The following RNF220 variants were observed in gnomAD, a reference collection of about 807,000 sequenced individuals.
The protein encoded by RNF220 is E3 ubiquitin-protein ligase RNF220.
In RNF220, 7 loss-of-function variants were observed where a neutral mutation model predicts 67.1. The ratio of observed to expected loss-of-function variants is 0.10; its 90% CI spans 0.06 to 0.20. The LOEUF is 0.20. RNF220 is among the 10% of genes least tolerant of loss of function. RNF220 has a pLI of 1.00. For synonymous variants in RNF220, 270 were observed against 283.2 expected (o/e 0.95, Z 0.47); for missense variants, 565 against 740.3 (o/e 0.76, Z 2.75).
intron 8 of RNF220, among the ~76,000 whole-genome samples, chr1:44,639,132 AG>A (rs1644415643): frequency 6.6e-6 from 1 of 152,214 alleles, no homozygotes; most frequent in Non-Finnish European, 1.5e-5. Flanking sequence ...GGGCAGAGCA[AG>A]GGGCTTCTAG....
At chr1:44,425,409 A>G (rs1440604812) in intron 2 of RNF220, among the ~76,000 whole-genome samples, 1 of 152,168 alleles carries the variant, frequency 6.6e-6, no homozygotes, top group Non-Finnish European at 1.5e-5. Flanking sequence ...TTGTTAAAGT[A>G]AATGAACCCA....
intron 12 of RNF220, among the ~76,000 whole-genome samples, chr1:44,646,476 A>G (rs114015498): frequency 0.025 from 3,880 of 152,316 alleles, 181 homozygotes; most frequent in African/African-American, 0.09. Flanking sequence ...AGCGGGCCGT[A>G]TGGGTTCTGC....
intron 2 of RNF220, among the ~76,000 whole-genome samples, chr1:44,536,463 C>T (rs567708948): frequency 3.5e-4 from 54 of 152,340 alleles, no homozygotes; most frequent in Middle Eastern, 3.4e-3. Flanking sequence ...GGGATTGATA[C>T]AGGCCTTTAT....
chr1:44,495,643 C>G (rs1657279314), intron 2 of RNF220, among the ~76,000 whole-genome samples: 2 of 152,308 alleles, frequency 1.3e-5, no homozygotes, highest in South Asian at 4.1e-4. Flanking sequence ...ACCATGTTGA[C>G]CAGGCTGGTC....
intron 2 of RNF220, among the ~76,000 whole-genome samples, chr1:44,571,841 AC>A (rs1413440362): frequency 6.6e-6 from 1 of 152,210 alleles, no homozygotes; most frequent in East Asian, 1.9e-4. Context: ...ATTAAATGGC[AC>A]CACAATCTTA....
At chr1:44,418,647 A>C (rs1648861883) in intron 2 of RNF220, among the ~76,000 whole-genome samples, 1 of 151,988 alleles carries the variant, frequency 6.6e-6, no homozygotes, top group Non-Finnish European at 1.5e-5. Flanking sequence ...GAAAACAAAA[A>C]AAAAAACACA....
chr1:44,496,338 A>G (rs1657345939), intron 2 of RNF220, among the ~76,000 whole-genome samples: 1 of 152,226 alleles, frequency 6.6e-6, no homozygotes, highest in African/African-American at 2.4e-5. Flanking sequence ...AGTCAGAGTC[A>G]CTAATATTTA....
chr1:44,409,292 C>G (rs1369158897), intron 1 of RNF220, among the ~76,000 whole-genome samples: 1 of 152,230 alleles, frequency 6.6e-6, no homozygotes, highest in African/African-American at 2.4e-5. Context: ...TCCGTCCAAC[C>G]TCACTGCCTG....
chr1:44,485,624 G>C (rs531292325), intron 2 of RNF220, among the ~76,000 whole-genome samples: 10 of 152,328 alleles, frequency 6.6e-5, no homozygotes, highest in African/African-American at 2.4e-4. Flanking sequence ...CTGTTTTTCA[G>C]TGTCACTGCG....
At chr1:44,435,550 A>G (rs754473300) in intron 2 of RNF220, among the ~76,000 whole-genome samples, 28 of 152,180 alleles carry the variant, frequency 1.8e-4, no homozygotes, top group Non-Finnish European at 3.7e-4. Context: ...ATAAAGAGGA[A>G]CACTTGGGAC....
intron 2 of RNF220, among the ~76,000 whole-genome samples, chr1:44,594,229 T>C (rs72897575): frequency 0.028 from 4,219 of 152,180 alleles, 193 homozygotes; most frequent in African/African-American, 0.096. Context: ...AGAGAAACTT[T>C]GATTTGAAAA....
chr1:44,429,032 A>C lies in RNF220; in HGVS notation c.625+16310A>C, dbSNP rs190851609. Among the ~76,000 whole-genome samples, 188 of 152,202 alleles carry C rather than the reference A, an allele frequency of 1.2e-3. 1 individual carries two copies. Among genetic ancestry groups the C allele is most frequent in the Non-Finnish European group, 2.1e-3 (141 of 68,016 alleles). On this transcript the variant is annotated intron_variant, in intron 2 of 14. Transcript: ENST00000361799. ...TCTTCTTAGAGGACTTAAGAGGTTGACATTTTCCCCAAAACTGTCTTTTGC... is the reference window on the plus strand; with the variant it reads ...TCTTCTTAGAGGACTTAAGAGGTTGCCATTTTCCCCAAAACTGTCTTTTGC...
chr1:44,522,525 TGAA>T (rs1356038573), intron 2 of RNF220, among the ~76,000 whole-genome samples: 1 of 152,078 alleles, frequency 6.6e-6, no homozygotes. Context: ...TCTATTTTAT[TGAA>T]GAAAAGAGAG....
At chr1:44,545,259 G>A (rs927510239) in intron 2 of RNF220, among the ~76,000 whole-genome samples, 8 of 152,180 alleles carry the variant, frequency 5.3e-5, no homozygotes, top group African/African-American at 1.4e-4. Context: ...TGGTACCTTC[G>A]GTTGGAGGGA....
At chr1:44,620,950 T>C (rs1643767422) in intron 3 of RNF220, among the ~76,000 whole-genome samples, 1 of 150,728 alleles carries the variant, frequency 6.6e-6, no homozygotes, top group Non-Finnish European at 1.5e-5. Context: ...AGTCTCACTC[T>C]TGTTGCCCAG....
intron 2 of RNF220, among the ~76,000 whole-genome samples, chr1:44,423,586 C>G (rs573957700): frequency 1.3e-5 from 2 of 152,266 alleles, no homozygotes; most frequent in East Asian, 3.9e-4. Context: ...AGAGTAGATA[C>G]TCTGGAAATA....
chr1:44,603,969 T>A (rs1294715187), intron 2 of RNF220, among the ~76,000 whole-genome samples: 1 of 152,238 alleles, frequency 6.6e-6, no homozygotes, highest in Non-Finnish European at 1.5e-5. Flanking sequence ...CTGCGGAGGT[T>A]CCCACTTCAT....
chr1:44,501,975 C>T (rs2148087994), intron 2 of RNF220, among the ~76,000 whole-genome samples: 1 of 150,776 alleles, frequency 6.6e-6, no homozygotes, highest in South Asian at 2.1e-4. Flanking sequence ...GCTACAGCCA[C>T]GCAGCAGGCT....
At chr1:44,580,810 T>G (rs1482963227) in intron 2 of RNF220, among the ~76,000 whole-genome samples, 1 of 152,252 alleles carries the variant, frequency 6.6e-6, no homozygotes, top group African/African-American at 2.4e-5. Flanking sequence ...CCTGCTCTGC[T>G]GGTTGTGTGT....
Sources: allele counts gnomAD v4.1 joint callset (sites outside exome capture counted in the v4.1 genomes callset), GRCh38; gene constraint gnomAD v4.1.1; transcripts MANE v1.5; gene names NCBI Gene and HGNC (gene_info 2026-07-23, HGNC 2026-07-21).